Variants in PACRG observed in about 807,000 individuals in gnomAD.
PACRG encodes the protein parkin coregulated.
Under a neutral mutation model 29.7 loss-of-function variants are expected in PACRG, and 29 were observed. That is an observed-to-expected ratio of 0.98 (90% CI 0.73 to 1.33). The LOEUF is 1.33. Ranked by LOEUF, PACRG falls within the 40% of genes most tolerant of loss-of-function variation. The pLI, the probability that PACRG is intolerant of heterozygous loss-of-function variation, is 0.00. For synonymous variants in PACRG, 116 were observed against 118.7 expected (o/e 0.98, Z 0.15); for missense variants, 279 against 316.2 (o/e 0.88, Z 0.89).
chr6:162,953,500 T>C (rs945981434), intron 2 of PACRG, among the ~76,000 whole-genome samples: 25 of 152,138 alleles, frequency 1.6e-4, no homozygotes, highest in Admixed American at 2.6e-4. Flanking sequence ...GCAATACATT[T>C]TATCTAGTAA....
chr6:162,735,138 C>T (rs779324597), intron 1 of PACRG, among the ~76,000 whole-genome samples: 7 of 152,136 alleles, frequency 4.6e-5, no homozygotes, highest in East Asian at 1.9e-4. Context: ...ATTTATCCAT[C>T]GCTTCCTCGA....
At chr6:162,972,864 A>T (rs1219695569) in intron 2 of PACRG, among the ~76,000 whole-genome samples, 1 of 124,028 alleles carries the variant, frequency 8.1e-6, no homozygotes, top group African/African-American at 4.3e-5. Flanking sequence ...TGAGAATTCT[A>T]AAAAAATGAT....
intron 2 of PACRG, among the ~76,000 whole-genome samples, chr6:162,838,398 G>T (rs1180046317): frequency 6.6e-6 from 1 of 152,052 alleles, no homozygotes; most frequent in Admixed American, 6.6e-5. Context: ...GGACGTTTAT[G>T]GTCCCAGACT....
intron 2 of PACRG, among the ~76,000 whole-genome samples, chr6:162,837,202 A>G (rs1789304525): frequency 6.6e-6 from 1 of 152,104 alleles, no homozygotes; most frequent in African/African-American, 2.4e-5. Flanking sequence ...GGAGATGATA[A>G]AGAAGGAAAT....
chr6:163,141,031 A>G (rs982283103), intron 4 of PACRG, among the ~76,000 whole-genome samples: 3 of 152,178 alleles, frequency 2.0e-5, no homozygotes, highest in African/African-American at 7.2e-5. Context: ...GCACAGTGTG[A>G]TAAAACTGAA....
At chr6:163,137,356 C>T (rs1057119562) in intron 4 of PACRG, among the ~76,000 whole-genome samples, 2 of 152,000 alleles carry the variant, frequency 1.3e-5, no homozygotes, top group African/African-American at 2.4e-5. Flanking sequence ...ACTGCAACTC[C>T]CTGCCCTGCT....
intron 4 of PACRG, among the ~76,000 whole-genome samples, chr6:163,169,733 G>A (rs1053549237): frequency 1.3e-5 from 2 of 152,160 alleles, no homozygotes; most frequent in Non-Finnish European, 2.9e-5. Context: ...GAGAGAGGCC[G>A]CTGGGCAGGC....
At chr6:162,884,063 G>A (rs949604159) in intron 2 of PACRG, among the ~76,000 whole-genome samples, 13 of 151,754 alleles carry the variant, frequency 8.6e-5, no homozygotes, top group African/African-American at 2.9e-4. Context: ...TCAACCTCCC[G>A]CCTAAGTCCC....
At chr6:163,113,901 A>G (rs1164342340) in intron 4 of PACRG, among the ~76,000 whole-genome samples, 2 of 152,242 alleles carry the variant, frequency 1.3e-5, no homozygotes, top group African/African-American at 4.8e-5. Context: ...TGTTTTCTAC[A>G]TTATTTAACC....
At chr6:162,973,345 T>C (rs1307688118) in intron 2 of PACRG, among the ~76,000 whole-genome samples, 2 of 152,228 alleles carry the variant, frequency 1.3e-5, no homozygotes, top group Non-Finnish European at 2.9e-5. Flanking sequence ...TGTGAAAGTC[T>C]GTTGCAAGTG....
chr6:162,941,116 G>A (rs1255589831), intron 2 of PACRG, among the ~76,000 whole-genome samples: 1 of 152,020 alleles, frequency 6.6e-6, no homozygotes, highest in Non-Finnish European at 1.5e-5. Context: ...TCCACCGGGT[G>A]TCCCCACGGC....
Position 162,839,806 on chromosome 6 carries a change from A to C in PACRG, c.291+25525A>C, listed in dbSNP as rs908917842. 1.3e-4 allele frequency among the ~76,000 whole-genome samples: 19 copies of C among 151,834 alleles called. No individual in the cohort carries two copies. In the East Asian group the frequency reaches 2.5e-3, roughly 20 times the overall value. On this transcript the variant is annotated intron_variant, in intron 2 of 4. Transcript: ENST00000366888. ...GGAAGGGATCCAGTTTCAGCTTTCT[A>C]CATATGGCTAGCCAGCTTTCCCAGC... is the stretch of plus-strand genomic sequence containing the variant.
intron 4 of PACRG, among the ~76,000 whole-genome samples, chr6:163,153,625 C>T (rs143641761): frequency 1.6e-3 from 241 of 152,078 alleles, no homozygotes; most frequent in African/African-American, 5.2e-3. Flanking sequence ...ATGATACAAG[C>T]GAATTGGATG....
At chr6:162,921,123 C>G (rs568480049) in intron 2 of PACRG, among the ~76,000 whole-genome samples, 1 of 152,286 alleles carries the variant, frequency 6.6e-6, no homozygotes, top group Non-Finnish European at 1.5e-5. Context: ...CATAAACAAA[C>G]TCTTGTTACA....
At position 163,191,701 on chromosome 6, in the gene PACRG, C is replaced by T. The variant is rs181810577; in HGVS notation, c.613+102293C>T. ...GGCCATCTGTGCCTATGCTCTTCCT[C>T]CACCCATCCACCAAAATGCCATCTT... On this transcript the variant is annotated intron_variant, in intron 4 of 4. Transcript: ENST00000366888. 704 of 456,374 alleles carry T rather than the reference C, an allele frequency of 1.5e-3. 3 individuals carry two copies. The highest frequency in any genetic ancestry group is 7.2e-3 in the Middle Eastern group (22 of 3,076). 28.3% of individuals were successfully genotyped at this position (456,374 alleles called of 1,614,324 possible). A position where few individuals can be genotyped will look rare whatever the true frequency, so the allele number is the denominator to read the frequency against.
At chr6:163,121,801 C>T (rs1487020250) in intron 4 of PACRG, among the ~76,000 whole-genome samples, 1 of 151,452 alleles carries the variant, frequency 6.6e-6, no homozygotes, top group Non-Finnish European at 1.5e-5. Context: ...TAGCTGGGAC[C>T]ACAGGTACCC....
At chr6:163,237,435 C>T (rs1322766272) in intron 4 of PACRG, among the ~76,000 whole-genome samples, 2 of 152,130 alleles carry the variant, frequency 1.3e-5, no homozygotes, top group Non-Finnish European at 2.9e-5. Flanking sequence ...ACCAACATAG[C>T]TAATTTGACT....
intron 4 of PACRG, among the ~76,000 whole-genome samples, chr6:163,130,390 A>G (rs6924869): frequency 0.17 from 26,099 of 152,112 alleles, 2,317 homozygotes; most frequent in East Asian, 0.36. Context: ...GCCTTAAGTC[A>G]GGAACTAATT....
chr6:163,246,642 A>T (rs530502647), intron 4 of PACRG, among the ~76,000 whole-genome samples: 136 of 152,310 alleles, frequency 8.9e-4, no homozygotes, highest in African/African-American at 3.1e-3. Context: ...GGTGCTCAGT[A>T]AGCATTTCTG....
Sources: gnomAD v4.1 joint callset for allele counts (sites outside exome capture counted in the v4.1 genomes callset) on GRCh38, gnomAD v4.1.1 for gene constraint, MANE v1.5 for transcripts, NCBI Gene and HGNC (gene_info 2026-07-23, HGNC 2026-07-21) for gene names.